COMMD2: variants seen among roughly 807,000 people sequenced by gnomAD.
COMMD2 encodes COMM domain containing 2, also known as COMM domain-containing protein 2.
In COMMD2, 25 loss-of-function variants were observed where a neutral mutation model predicts 22.5. The ratio of observed to expected loss-of-function variants is 1.11; its 90% CI spans 0.81 to 1.55. COMMD2 has a LOEUF of 1.55. Ranked by LOEUF, COMMD2 falls within the 40% of genes most tolerant of loss-of-function variation. The pLI, the probability that COMMD2 is intolerant of heterozygous loss-of-function variation, is 0.00. For missense variants in COMMD2, 223 were observed against 232.9 expected (o/e 0.96, Z 0.28); for synonymous variants, 98 against 91.2 (o/e 1.07, Z -0.42).
chr3:149,742,728 G>C (rs1032871521), intron 4 of COMMD2, among the ~76,000 whole-genome samples: 1 of 152,138 alleles, frequency 6.6e-6, no homozygotes, highest in South Asian at 2.1e-4. Flanking sequence ...CAGCACTTTT[G>C]GGGGCTGAGA....
intron 2 of COMMD2, chr3:149,751,735 C>T: frequency 3.1e-6 from 1 of 323,414 alleles, no homozygotes; most frequent in East Asian, 5.4e-5. Flanking sequence ...TAGCCCTTCT[C>T]TTGAATACGT....
chr3:149,750,309 G>T, intron 4 of COMMD2: 1 of 378,388 alleles, frequency 2.6e-6, no homozygotes, highest in Admixed American at 3.1e-5. Flanking sequence ...GATGCTTCTG[G>T]GGTGTGAGTC....
intron 4 of COMMD2, among the ~76,000 whole-genome samples, chr3:149,747,848 T>C (rs1165454550): frequency 6.7e-6 from 1 of 148,234 alleles, no homozygotes; most frequent in African/African-American, 2.5e-5. Context: ...CTCAGGAGGC[T>C]GAGGCAGGAG....
rs1716169546 is a variant in COMMD2 at position 149,740,034 on chromosome 3, T to C, written c.*1487A>G. ...TCCCTAATTCTTACGAAGCAAAGTA[T>C]TGACAAAGTCTAGAGCGCAGTTTAG... On this transcript the variant is annotated 3_prime_UTR_variant, in exon 5 of 5. Coordinates refer to ENST00000473414, the MANE Select transcript of COMMD2 (RefSeq NM_016094.4). 6.6e-6 allele frequency: 1 copy of C among 152,218 alleles called. No homozygotes were observed. 9.4% of individuals were successfully genotyped at this position (152,218 alleles called of 1,614,324 possible).
intron 4 of COMMD2, among the ~76,000 whole-genome samples, chr3:149,744,079 C>T (rs1716303664): frequency 6.6e-6 from 1 of 152,038 alleles, no homozygotes. Context: ...AACAGTAGCC[C>T]ACAAAGTTCT....
Position 149,752,397 on chromosome 3 carries a change from C to A in COMMD2, c.48G>T (p.Leu16=), listed in dbSNP as rs779556816. 1.2e-6 allele frequency: 2 copies of A among 1,614,172 alleles called. No homozygotes were observed. Among genetic ancestry groups the A allele is most frequent in the South Asian group, 1.1e-5 (1 of 91,082 alleles). ...SEEHKEHLAF[L]PQVDSAVVAE... is the part of the protein sequence containing the mutation. ...GCTGACCCGCGCTGTCCACTTGAGG[C>A]AGGAAGGCCAGGTGTTCCTTATGCT... Residue 16 remains leucine, a synonymous_variant, in exon 1 of 5, where the codon CTG becomes CTT. Transcript: ENST00000473414.
intron 2 of COMMD2, 185 bp downstream of exon 2, chr3:149,752,025 C>T (rs1005507864): frequency 1.9e-6 from 1 of 539,250 alleles, no homozygotes; most frequent in Non-Finnish European, 3.3e-6. Flanking sequence ...GAAGCTTTAA[C>T]AATCTCACAG....
Position 149,741,132 on chromosome 3 carries a change from C to T in COMMD2, c.*389G>A. Reference sequence around the variant, plus strand: ...AGGCTGGAGTGCAGTGGCACAATCTCAGCTCACTGCAACCTCCACCTCCCA... The same window carrying T: ...AGGCTGGAGTGCAGTGGCACAATCTTAGCTCACTGCAACCTCCACCTCCCA... On this transcript the variant is annotated 3_prime_UTR_variant, in exon 5 of 5. Coordinates refer to ENST00000473414, the MANE Select transcript of COMMD2 (RefSeq NM_016094.4). 1 of 162,070 alleles carries T rather than the reference C, an allele frequency of 6.2e-6. No individual in the cohort carries two copies. The highest frequency in any genetic ancestry group is 1.4e-5 in the Non-Finnish European group (1 of 73,338). 10.0% of individuals were successfully genotyped at this position (162,070 alleles called of 1,614,324 possible). A position where few individuals can be genotyped will look rare whatever the true frequency, so the allele number is the denominator to read the frequency against.
rs116232677 is a variant in COMMD2, at chr3:149,748,569, A to G, written c.402+2109T>C. On this transcript the variant is annotated intron_variant, in intron 4 of 4. Transcript: ENST00000473414. ...TTAACTGTGTCTAGTGGCAGGAGGC[A>G]TTTCTCCCAAAGGGAGACATCATTT... Among the ~76,000 whole-genome samples, 825 of 152,366 alleles carry G rather than the reference A, an allele frequency of 5.4e-3. 7 individuals are homozygous for G. The highest frequency in any genetic ancestry group is 0.019 in the African/African-American group (786 of 41,592).
chr3:149,750,720 G>T lies in COMMD2; in HGVS notation c.360C>A (p.Ser120Arg). ...ATTCAAGGTTATGATAACTGGGAAG[G>T]CTTGGTGCCAATTCACTCAGAATCG... ...IRTILSELAP[S>R]LPSYHNLEWR... The change falls in exon 4 of 5, where the codon AGC becomes AGA. Residue 120 changes from serine to arginine, a missense_variant. Ser to Arg is a moderately radical substitution (Grantham distance 110). Transcript: ENST00000473414. 2.5e-6 allele frequency: 4 copies of T among 1,598,554 alleles called. No homozygotes were observed. The highest frequency in any genetic ancestry group is 3.4e-6 in the Non-Finnish European group (4 of 1,171,638).
rs1283590066 is a variant in COMMD2, at chr3:149,740,120, T to G, written c.*1401A>C. On this transcript the variant is annotated 3_prime_UTR_variant, in exon 5 of 5. Coordinates refer to ENST00000473414, the MANE Select transcript of COMMD2 (RefSeq NM_016094.4). ...CCATGAAGACTCTCAGGATAAGGTC[T>G]TGGACACATAGTTAAGACTGAACCC... 6.6e-6 allele frequency: 1 copy of G among 152,240 alleles called. No individual in the cohort carries two copies. The highest frequency in any genetic ancestry group is 1.9e-4 in the East Asian group (1 of 5,202). The allele number at this position is 152,240 out of a possible 1,614,324, so 9.4% of individuals were successfully genotyped here.
chr3:149,741,717 A>C lies in COMMD2; in HGVS notation c.404T>G (p.Leu135Arg). ...HNLEWRLDVQ[L>R]ASRSLRQQIK... is the part of the protein sequence containing the mutation. ...CTGTTGCCTGAGACTTCTACTTGCA[A>C]GCTTGATTTTAAATGAAATAAGAGC... Residue 135 changes from leucine to arginine, a missense_variant and splice_region_variant, in exon 5 of 5, where the codon CTT (leucine) becomes CGT (arginine). Transcript: ENST00000473414. The C allele has an allele frequency of 6.2e-7, 1 of 1,611,776 alleles. No homozygotes were observed. Among genetic ancestry groups the C allele is most frequent in the Non-Finnish European group, 8.5e-7 (1 of 1,177,990 alleles).
rs200644162 is a variant in COMMD2 at position 149,750,745 on chromosome 3, G to A, written c.335C>T (p.Thr112Met). The change falls in exon 4 of 5, where the codon ACG becomes ATG. Residue 112 changes from threonine (T) to methionine (M), a missense_variant. Thr to Met is a moderately conservative substitution (Grantham distance 81, BLOSUM62 -1). Coordinates refer to ENST00000473414, the MANE Select transcript of COMMD2 (RefSeq NM_016094.4). The stretch of plus-strand genomic sequence containing the variant: ...GCTTGGTGCCAATTCACTCAGAATC[G>A]TTCTGATCTCTTTTCTGTTGTCCAG... Reference protein sequence around the residue: ...LYLDNRKEIRTILSELAPSLP... With the variant: ...LYLDNRKEIRMILSELAPSLP... The A allele has an allele frequency of 2.3e-5, 37 of 1,608,038 alleles. No individual in the cohort carries two copies. The East Asian group carries it at 4.5e-4, about 19-fold the overall frequency.
chr3:149,748,983 T>C (rs186132070), intron 4 of COMMD2, among the ~76,000 whole-genome samples: 1 of 152,234 alleles, frequency 6.6e-6, no homozygotes, highest in East Asian at 1.9e-4. Context: ...CTAACTTTCC[T>C]ACATGATTGT....
At chr3:149,751,205 G>C (rs972811952) in intron 3 of COMMD2, 198 bp downstream of exon 3, 8 of 717,202 alleles carry the variant, frequency 1.1e-5, no homozygotes, top group Non-Finnish European at 1.8e-5. Flanking sequence ...TTCTATACTA[G>C]CTATTTATAC....
intron 4 of COMMD2, chr3:149,750,363 AC>A (rs1311415579): frequency 2.2e-6 from 1 of 464,214 alleles, no homozygotes; most frequent in Non-Finnish European, 4.3e-6. Context: ...CGGTACATTG[AC>A]CTGTGCACTT....
intron 4 of COMMD2, among the ~76,000 whole-genome samples, chr3:149,749,630 G>T (rs1369173322): frequency 6.6e-6 from 1 of 152,136 alleles, no homozygotes; most frequent in Non-Finnish European, 1.5e-5. Context: ...ATATTCATAT[G>T]CTCATTTGCA....
rs1414999174 is a variant in COMMD2, at chr3:149,738,608, C to T, written c.*2913G>A. 6.7e-6 allele frequency: 1 copy of T among 149,538 alleles called. No homozygotes were observed. Among genetic ancestry groups the T allele is most frequent in the East Asian group, 2.0e-4 (1 of 5,126 alleles). 9.3% of individuals were successfully genotyped at this position (149,538 alleles called of 1,614,324 possible). A position where few individuals can be genotyped will look rare whatever the true frequency, so the allele number is the denominator to read the frequency against. ...CCTATATTCCTATTTTAGAGATGAA[C>T]AAAAAAAAAGGCTTTGAGAATTTAT... On this transcript the variant is annotated 3_prime_UTR_variant, in exon 5 of 5. Coordinates refer to ENST00000473414, the MANE Select transcript of COMMD2 (RefSeq NM_016094.4).
chr3:149,751,976 G>C, intron 2 of COMMD2: 1 of 473,412 alleles, frequency 2.1e-6, no homozygotes, highest in Non-Finnish European at 3.7e-6. Flanking sequence ...AAGTAAGGTG[G>C]TATTATGTAC....
Sources: allele counts gnomAD v4.1 joint callset (sites outside exome capture counted in the v4.1 genomes callset), GRCh38; gene constraint gnomAD v4.1.1; transcripts MANE v1.5; gene names NCBI Gene and HGNC (gene_info 2026-07-23, HGNC 2026-07-21).